The following CALN1 variants were observed in gnomAD, a reference collection of about 807,000 sequenced individuals.
CALN1 encodes calneuron 1.
CALN1 carries 17 observed loss-of-function variants against 30.6 expected under a neutral mutation model. The ratio of observed to expected loss-of-function variants is 0.56; its 90% confidence interval spans 0.38 to 0.83. The LOEUF (loss-of-function observed/expected upper bound fraction) is 0.83. CALN1 is among the 40% of genes least tolerant of loss of function. The pLI, the probability that CALN1 is intolerant of heterozygous loss-of-function variation, is 0.00. For synonymous variants in CALN1, 156 were observed against 131.4 expected (o/e 1.19, Z -1.28); for missense variants, 291 against 354.9 (o/e 0.82, Z 1.45).
In CALN1 at chr7:72,012,124, G is replaced by A. The variant is rs142538188; in HGVS notation, c.501+11533C>T. ...CAGGACTTTCCCGATAATGTGACCAGTGATTTTTCTCTTCTCCCCACCTAC... is the reference window on the plus strand; with the variant it reads ...CAGGACTTTCCCGATAATGTGACCAATGATTTTTCTCTTCTCCCCACCTAC... On this transcript the variant is annotated intron_variant, in intron 5 of 6. Coordinates refer to ENST00000395275, the MANE Select transcript of CALN1 (RefSeq NM_031468.4). Among the ~76,000 whole-genome samples, 290 of 152,298 alleles carry A rather than the reference G, an allele frequency of 1.9e-3. 5 individuals carry two copies. Among genetic ancestry groups the A allele is most frequent in the East Asian group, 5.0e-3 (26 of 5,182 alleles).
intron 1 of CALN1, among the ~76,000 whole-genome samples, chr7:72,418,375 C>T (rs899325171): frequency 5.3e-5 from 8 of 152,298 alleles, no homozygotes; most frequent in Non-Finnish European, 1.0e-4. Context: ...GAATGATGGG[C>T]ACCTACGTCG....
intron 5 of CALN1, among the ~76,000 whole-genome samples, chr7:71,863,860 T>C (rs995271845): frequency 1.3e-5 from 2 of 152,268 alleles, no homozygotes; most frequent in African/African-American, 4.8e-5. Flanking sequence ...TCCAGCTCTC[T>C]CTCTTTTTTG....
At chr7:71,800,331 T>C (rs1484857348) in intron 6 of CALN1, among the ~76,000 whole-genome samples, 1 of 152,186 alleles carries the variant, frequency 6.6e-6, no homozygotes, top group Admixed American at 6.5e-5. Context: ...TCCACACCTC[T>C]TCCCCAGGGG....
chr7:72,400,066 C>A (rs1489587872), intron 2 of CALN1, among the ~76,000 whole-genome samples: 2 of 152,134 alleles, frequency 1.3e-5, no homozygotes, highest in South Asian at 2.1e-4. Context: ...GTCTGCAGAA[C>A]CATGAGCCAA....
Position 72,248,676 on chromosome 7 carries a change from G to T in CALN1, c.244+30010C>A, listed in dbSNP as rs1407637026. Among the ~76,000 whole-genome samples the T allele has an allele frequency of 2.0e-5, 3 of 151,910 alleles. No individual in the cohort carries two copies. In the East Asian group the frequency reaches 5.8e-4, roughly 29 times the overall value. ...TCAACATCCTAATGTAGTCACATCTGCAATGTACTTTTTGCCATATAAAGT... is the reference window on the plus strand; with the variant it reads ...TCAACATCCTAATGTAGTCACATCTTCAATGTACTTTTTGCCATATAAAGT... On this transcript the variant is annotated intron_variant, in intron 3 of 6. Transcript: ENST00000395275.
Position 71,907,239 on chromosome 7 carries a change from AACAC to A in CALN1, c.502-96751_502-96748del, listed in dbSNP as rs71531773. 2.0e-4 allele frequency among the ~76,000 whole-genome samples: 30 copies of A among 147,834 alleles called. 1 individual carries two copies. The highest frequency in any genetic ancestry group is 6.8e-3 in the Middle Eastern group (2 of 292). Reference sequence around the variant, plus strand: ...TACTTTTAAACAGAAATGAGGTTTAAACACACACACACACACACACACACACACA... The same window carrying A: ...TACTTTTAAACAGAAATGAGGTTTAAACACACACACACACACACACACACA... On this transcript the variant is annotated intron_variant, in intron 5 of 6. Transcript: ENST00000395275.
At chr7:72,410,971 GAT>G (rs1449110290) in intron 1 of CALN1, among the ~76,000 whole-genome samples, 5 of 152,148 alleles carry the variant, frequency 3.3e-5, no homozygotes, top group African/African-American at 9.7e-5. Context: ...ATTTTAAGGT[GAT>G]ATGATTATAT....
chr7:72,245,284 C>A (rs768180262), intron 3 of CALN1, among the ~76,000 whole-genome samples: 2 of 152,186 alleles, frequency 1.3e-5, no homozygotes, highest in Non-Finnish European at 2.9e-5. Context: ...ACTTTTCCTG[C>A]AACCCTACGT....
chr7:72,407,819 A>C lies in CALN1; in HGVS notation c.-74+4239T>G, dbSNP rs76351763. ...CTGGACTGGACACAGGGCCGGATGG[A>C]GGTGGGATGTGTGGAAATGAATCCA... On this transcript the variant is annotated intron_variant, in intron 1 of 6. Coordinates refer to ENST00000395275, the MANE Select transcript of CALN1 (RefSeq NM_031468.4). Among the ~76,000 whole-genome samples the C allele has an allele frequency of 1.5e-3, 235 of 152,216 alleles. 6 individuals carry two copies. The East Asian group carries it at 0.044, about 28-fold the overall frequency.
chr7:72,413,570 CCA>C (rs796902036), upstream of CALN1, among the ~76,000 whole-genome samples: 44 of 149,830 alleles, frequency 2.9e-4, no homozygotes, highest in East Asian at 5.9e-4. Flanking sequence ...CTCATGCACA[CCA>C]CACACACACT....
intron 5 of CALN1, among the ~76,000 whole-genome samples, chr7:71,970,263 G>C (rs1797729619): frequency 1.3e-5 from 2 of 152,128 alleles, no homozygotes; most frequent in Admixed American, 1.3e-4. Flanking sequence ...CATTTGAGAA[G>C]GATCTCCTAT....
At chr7:72,313,722 C>T (rs1056853783) in intron 2 of CALN1, among the ~76,000 whole-genome samples, 2 of 151,988 alleles carry the variant, frequency 1.3e-5, no homozygotes, top group Non-Finnish European at 2.9e-5. Flanking sequence ...AATGATGGGA[C>T]TATATATGAG....
At chr7:71,915,397 G>C (rs189555805) in intron 5 of CALN1, among the ~76,000 whole-genome samples, 59 of 152,120 alleles carry the variant, frequency 3.9e-4, no homozygotes, top group African/African-American at 1.4e-3. Flanking sequence ...AAATGTCTAG[G>C]AATGAAGACA....
chr7:72,494,773 G>T, the CALN1 span, among the ~76,000 whole-genome samples: 3 of 152,206 alleles, frequency 2.0e-5, no homozygotes, highest in Non-Finnish European at 2.9e-5. Context: ...AGGCTGAGGA[G>T]GAAAGATCGC....
At chr7:72,278,128 A>C (rs2129554010) in intron 3 of CALN1, among the ~76,000 whole-genome samples, 1 of 151,802 alleles carries the variant, frequency 6.6e-6, no homozygotes, top group South Asian at 2.1e-4. Flanking sequence ...TCCATCCCTA[A>C]CCCCTGCCTT....
chr7:72,022,013 C>A (rs1800736466), intron 5 of CALN1, among the ~76,000 whole-genome samples: 2 of 152,204 alleles, frequency 1.3e-5, no homozygotes, highest in Non-Finnish European at 1.5e-5. Flanking sequence ...GTTTTGAGGT[C>A]TTGCCCTTCA....
rs954454367 is a variant in CALN1, at chr7:71,956,854, G to T, written c.501+66803C>A. ...TGGAATTACAGGCACCCACCATCAC[G>T]CCTGGCTAATTTATGTATTTTTAGT... On this transcript the variant is annotated intron_variant, in intron 5 of 6. Coordinates refer to ENST00000395275, the MANE Select transcript of CALN1 (RefSeq NM_031468.4). 4.0e-5 allele frequency among the ~76,000 whole-genome samples: 6 copies of T among 151,868 alleles called. No individual in the cohort carries two copies. In the East Asian group the frequency reaches 9.8e-4, roughly 25 times the overall value.
intron 3 of CALN1, among the ~76,000 whole-genome samples, chr7:72,153,041 C>A (rs545757284): frequency 6.6e-6 from 1 of 152,164 alleles, no homozygotes. Flanking sequence ...CCTCAGTGTT[C>A]ACACTGGGCT....
intron 2 of CALN1, among the ~76,000 whole-genome samples, chr7:72,340,177 C>A (rs1034823707): frequency 6.6e-6 from 1 of 152,174 alleles, no homozygotes; most frequent in Non-Finnish European, 1.5e-5. Flanking sequence ...TTTCTGCAAA[C>A]CCCGTATTTT....
Sources: allele counts gnomAD v4.1 joint callset (sites outside exome capture counted in the v4.1 genomes callset), GRCh38; gene constraint gnomAD v4.1.1; transcripts MANE v1.5; gene names NCBI Gene and HGNC (gene_info 2026-07-23, HGNC 2026-07-21).